The following STAU2 variants were observed in gnomAD, a reference collection of about 807,000 sequenced individuals.
STAU2 encodes the protein staufen double-stranded RNA binding protein 2.
A neutral mutation model predicts 65.9 loss-of-function variants in STAU2; 20 were observed. That is an observed-to-expected ratio of 0.30 (90% CI 0.21 to 0.44). The LOEUF (loss-of-function observed/expected upper bound fraction) is 0.44. Among genes scored for constraint, STAU2 ranks in the 20% least tolerant of loss-of-function variants. The probability of loss-of-function intolerance (pLI) is 1.00; values close to 1 mark genes in which losing one functional copy is unlikely to be tolerated. For missense variants in STAU2, 558 were observed against 683.9 expected (o/e 0.82, Z 2.05); for synonymous variants, 232 against 233.9 (o/e 0.99, Z 0.07).
chr8:73,465,437 T>C (rs1819600133), intron 13 of STAU2, among the ~76,000 whole-genome samples: 1 of 152,230 alleles, frequency 6.6e-6, no homozygotes, highest in African/African-American at 2.4e-5. Flanking sequence ...ACTTTCTTTG[T>C]TAGTAGAGGT....
At chr8:73,730,435 T>C (rs193188176) in intron 3 of STAU2, among the ~76,000 whole-genome samples, 1 of 152,152 alleles carries the variant, frequency 6.6e-6, no homozygotes, top group Non-Finnish European at 1.5e-5. Flanking sequence ...TTTAAAAGAA[T>C]ATATATTTTG....
chr8:73,730,688 T>C (rs557715363), intron 3 of STAU2, among the ~76,000 whole-genome samples: 5 of 144,310 alleles, frequency 3.5e-5, no homozygotes, highest in Non-Finnish European at 7.4e-5. Context: ...GATGGAGACA[T>C]TGCACTCTGG....
intron 13 of STAU2, among the ~76,000 whole-genome samples, chr8:73,447,742 C>T (rs1209423509): frequency 1.3e-5 from 2 of 152,190 alleles, no homozygotes; most frequent in Non-Finnish European, 2.9e-5. Context: ...CGCCTCCCAC[C>T]TGTACTGGTG....
chr8:73,495,320 A>C (rs1821349180), intron 13 of STAU2, among the ~76,000 whole-genome samples: 1 of 151,522 alleles, frequency 6.6e-6, no homozygotes. Context: ...ACAAACACTG[A>C]GCATCATATA....
chr8:73,655,710 G>A (rs1275847069), intron 6 of STAU2, among the ~76,000 whole-genome samples: 9 of 141,094 alleles, frequency 6.4e-5, no homozygotes, highest in African/African-American at 1.3e-4. Context: ...GTGCAGTGGC[G>A]CGATCTCGGC....
At chr8:73,466,128 C>T (rs1421775448) in intron 13 of STAU2, among the ~76,000 whole-genome samples, 1 of 152,212 alleles carries the variant, frequency 6.6e-6, no homozygotes, top group East Asian at 1.9e-4. Context: ...TGCATTCTTG[C>T]ATTTTAGGAT....
chr8:73,555,042 T>C (rs996276932), intron 12 of STAU2, among the ~76,000 whole-genome samples: 1 of 152,192 alleles, frequency 6.6e-6, no homozygotes, highest in Non-Finnish European at 1.5e-5. Flanking sequence ...ACCAATACTG[T>C]CCTGACCTCA....
At position 73,541,252 on chromosome 8, in the gene STAU2, CA is replaced by C. The variant is rs138662028; in HGVS notation, c.1530+10759del. On this transcript the variant is annotated intron_variant, in intron 13 of 14. Coordinates refer to ENST00000524300, the MANE Select transcript of STAU2 (RefSeq NM_001164380.2). Reference sequence around the variant, plus strand: ...AGGAAATGCCAGAAAGAAGAAAAGGCAAAAAAAGTGGGCCCCAAAATATAAG... The same window carrying C: ...AGGAAATGCCAGAAAGAAGAAAAGGCAAAAAAGTGGGCCCCAAAATATAAG... Among the ~76,000 whole-genome samples the C allele has an allele frequency of 2.0e-5, 3 of 151,774 alleles. No homozygotes were observed. The East Asian group carries it at 5.8e-4, about 29-fold the overall frequency.
intron 6 of STAU2, among the ~76,000 whole-genome samples, chr8:73,650,468 T>A (rs1815776620): frequency 6.6e-6 from 1 of 152,186 alleles, no homozygotes; most frequent in Non-Finnish European, 1.5e-5. Context: ...CTGGGTCACA[T>A]TATTTTTAAA....
chr8:73,536,200 G>C (rs1806171386), intron 13 of STAU2, among the ~76,000 whole-genome samples: 1 of 152,126 alleles, frequency 6.6e-6, no homozygotes, highest in Non-Finnish European at 1.5e-5. Context: ...AAAATGTGGA[G>C]AGAAGGAGGA....
intron 12 of STAU2, among the ~76,000 whole-genome samples, chr8:73,571,143 CAAAG>C (rs1278277189): frequency 6.6e-6 from 1 of 152,042 alleles, no homozygotes; most frequent in South Asian, 2.1e-4. Context: ...TCAAAAGAGA[CAAAG>C]AAGGCCATTA....
In STAU2 at chr8:73,581,976, G is replaced by T. The variant is rs558661397; in HGVS notation, c.1222+794C>A. On this transcript the variant is annotated intron_variant, in intron 12 of 14. Coordinates refer to ENST00000524300, the MANE Select transcript of STAU2 (RefSeq NM_001164380.2). The stretch of plus-strand genomic sequence containing the variant: ...AAAGAAGATAGATAGGGTTGGAAAT[G>T]GGATAGACTGGGTGTTTTTACTAGC... Among the ~76,000 whole-genome samples, 8 of 152,274 alleles carry T rather than the reference G, an allele frequency of 5.3e-5. 1 individual carries two copies. In the South Asian group the frequency reaches 1.7e-3, roughly 32 times the overall value.
At chr8:73,735,744 A>G (rs1033546552) in intron 3 of STAU2, among the ~76,000 whole-genome samples, 2 of 152,192 alleles carry the variant, frequency 1.3e-5, no homozygotes, top group African/African-American at 2.4e-5. Context: ...GCTTGTGGCC[A>G]TGTAGAGAAT....
intron 4 of STAU2, among the ~76,000 whole-genome samples, chr8:73,707,963 G>C (rs1031587393): frequency 6.6e-6 from 1 of 152,194 alleles, no homozygotes; most frequent in Non-Finnish European, 1.5e-5. Context: ...CAAAGGCAGA[G>C]AGATGTGAAA....
At chr8:73,742,319 G>T in intron 1 of STAU2, 1 of 792,720 alleles carries the variant, frequency 1.3e-6, no homozygotes, top group Non-Finnish European at 1.5e-6. Context: ...GATCACCTGA[G>T]GTCAGGAGTT....
chr8:73,697,729 C>T lies in STAU2; in HGVS notation c.115-8916G>A, dbSNP rs142914791. ...AGAGTTTTAATTAACTTTCTTTTTG[C>T]AAGTTTGTTTCTGCAATTGTGTTAA... is the stretch of plus-strand genomic sequence containing the variant. On this transcript the variant is annotated intron_variant, in intron 4 of 14. Coordinates refer to ENST00000524300, the MANE Select transcript of STAU2 (RefSeq NM_001164380.2). Among the ~76,000 whole-genome samples the T allele has an allele frequency of 9.9e-5, 15 of 152,236 alleles. No individual in the cohort carries two copies. In the East Asian group the frequency reaches 2.9e-3, roughly 29 times the overall value.
At chr8:73,450,514 G>T (rs2128894862) in intron 13 of STAU2, among the ~76,000 whole-genome samples, 1 of 152,226 alleles carries the variant, frequency 6.6e-6, no homozygotes, top group Middle Eastern at 3.4e-3. Flanking sequence ...GACGTTTGGG[G>T]GCTAGGACTT....
chr8:73,716,381 C>T (rs867476398), intron 3 of STAU2, among the ~76,000 whole-genome samples: 4 of 152,222 alleles, frequency 2.6e-5, no homozygotes, highest in Admixed American at 6.5e-5. Context: ...TGAGCCACTG[C>T]GCCCGGCCAG....
At chr8:73,476,182 A>G (rs1484343195) in intron 13 of STAU2, among the ~76,000 whole-genome samples, 1 of 152,196 alleles carries the variant, frequency 6.6e-6, no homozygotes, top group Non-Finnish European at 1.5e-5. Context: ...GAGGAGCACG[A>G]ATGACCTCAG....
Sources: gnomAD v4.1 joint callset for allele counts (sites outside exome capture counted in the v4.1 genomes callset) on GRCh38, gnomAD v4.1.1 for gene constraint, MANE v1.5 for transcripts, NCBI Gene and HGNC (gene_info 2026-07-23, HGNC 2026-07-21) for gene names.